The following CCDC190 variants were observed in gnomAD, a reference collection of about 807,000 sequenced individuals.
The protein encoded by CCDC190 is coiled-coil domain-containing protein 190.
Under a neutral mutation model 13.1 loss-of-function variants are expected in CCDC190, and 10 were observed. That is an observed-to-expected ratio of 0.77 (90% CI 0.47 to 1.30). The LOEUF (loss-of-function observed/expected upper bound fraction) is 1.30, where lower values mean the gene tolerates loss of function less well. CCDC190 is among the 50% of genes most tolerant of loss of function. The probability of loss-of-function intolerance (pLI) is 0.00; values close to 1 mark genes in which losing one functional copy is unlikely to be tolerated. For synonymous variants in CCDC190, 136 were observed against 127.2 expected, an observed-to-expected ratio of 1.07 and a Z score of -0.47; for missense variants, 375 against 354.3, an observed-to-expected ratio of 1.06 and a Z score of -0.47.
Position 162,861,030 on chromosome 1 carries a change from A to G in CCDC190, c.-35T>C, listed in dbSNP as rs2102263330. 1 of 985,000 alleles carries G rather than the reference A, an allele frequency of 1.0e-6. No homozygotes were observed. 61.0% of individuals were successfully genotyped at this position (985,000 alleles called of 1,614,324 possible). A position where few individuals can be genotyped will look rare whatever the true frequency, so the allele number is the denominator to read the frequency against. On this transcript the variant is annotated 5_prime_UTR_variant, in exon 1 of 4. The change abolishes an upstream ATG in the 5' untranslated region. Transcript: ENST00000367912. ...TACCTCCAAATCCAGAGTTTTCACC[A>G]TGAGACTATGTCTTGTTTCTTTTGC...
Position 162,852,497 on chromosome 1 carries a change from G to A in CCDC190, c.*2268C>T, listed in dbSNP as rs1206495006. ...ATCAGAGTATTACATCCATTGTATC[G>A]AAGAAGGCAAATGTATTAGACTAAA... On this transcript the variant is annotated 3_prime_UTR_variant, in exon 4 of 4. Transcript: ENST00000367912. The A allele has an allele frequency of 6.6e-6, 1 of 152,432 alleles. No individual in the cohort carries two copies. The highest frequency in any genetic ancestry group is 2.4e-5 in the African/African-American group (1 of 41,452). The allele number at this position is 152,432 out of a possible 1,614,324, so 9.4% of individuals were successfully genotyped here.
Position 162,854,390 on chromosome 1 carries a change from A to G in CCDC190, c.*375T>C, listed in dbSNP as rs1650211082. The G allele has an allele frequency of 9.7e-7, 1 of 1,029,740 alleles. No homozygotes were observed. Among genetic ancestry groups the G allele is most frequent in the Admixed American group, 5.0e-5 (1 of 19,834 alleles). The allele number at this position is 1,029,740 out of a possible 1,614,324, so 63.8% of individuals were successfully genotyped here. A position where few individuals can be genotyped will look rare whatever the true frequency, so the allele number is the denominator to read the frequency against. On this transcript the variant is annotated 3_prime_UTR_variant, in exon 4 of 4. Transcript: ENST00000367912. The stretch of plus-strand genomic sequence containing the variant: ...TACCACTACTATATATCAAACTAAA[A>G]CAGAGAGAATAGCTATGCCGTTTTG...
Position 162,852,565 on chromosome 1 carries a change from G to A in CCDC190, c.*2200C>T, listed in dbSNP as rs1158245218. On this transcript the variant is annotated 3_prime_UTR_variant, in exon 4 of 4. Transcript: ENST00000367912. ...CTAGGTGGTTAGAAGATTTTTAAAT[G>A]TATAATTTTTTGGCGATGCATGGAA... 1 of 152,700 alleles carries A rather than the reference G, an allele frequency of 6.5e-6. No individual in the cohort carries two copies. Among genetic ancestry groups the A allele is most frequent in the Non-Finnish European group, 1.5e-5 (1 of 68,396 alleles). 9.5% of individuals were successfully genotyped at this position (152,700 alleles called of 1,614,324 possible).
Position 162,854,375 on chromosome 1 carries a change from A to G in CCDC190, c.*390T>C. On this transcript the variant is annotated 3_prime_UTR_variant, in exon 4 of 4. Transcript: ENST00000367912. ...TCACATTCCTATTCCTACCACTACT[A>G]TATATCAAACTAAAACAGAGAGAAT... is the stretch of plus-strand genomic sequence containing the variant. The G allele has an allele frequency of 2.9e-6, 3 of 1,017,622 alleles. No individual in the cohort carries two copies. The highest frequency in any genetic ancestry group is 8.1e-5 in the South Asian group (2 of 24,554). The allele number at this position is 1,017,622 out of a possible 1,614,324, so 63.0% of individuals were successfully genotyped here.
In CCDC190 at chr1:162,855,693, C is replaced by T. The variant is rs772887259; in HGVS notation, c.250G>A (p.Val84Ile). The T allele has an allele frequency of 3.1e-6, 5 of 1,613,786 alleles. No individual in the cohort carries two copies. The Admixed American group carries it at 5.0e-5, about 16-fold the overall frequency. ...CTTCCCTGTGGTGAGAACACGAGAA[C>T]ATCTTCTGGTCTCTTCTGAAATCCA... ...GNGFQKRPED[V>I]LVFSPQGRQK... Residue 84 changes from valine to isoleucine, a missense_variant, in exon 3 of 4, where the codon GTT (valine) becomes ATT (isoleucine). Physicochemically the swap from Val to Ile is conservative, Grantham distance 29. Transcript: ENST00000367912.
chr1:162,854,279 C>G lies in CCDC190; in HGVS notation c.*486G>C. 1 of 985,716 alleles carries G rather than the reference C, an allele frequency of 1.0e-6. No individual in the cohort carries two copies. Among genetic ancestry groups the G allele is most frequent in the Non-Finnish European group, 1.2e-6 (1 of 830,188 alleles). 61.1% of individuals were successfully genotyped at this position (985,716 alleles called of 1,614,324 possible). ...ATAAAGGAAGGAAGGAAAGGGCTTC[C>G]AAAGAGAGCACGTGGGTGTGGTTAA... On this transcript the variant is annotated 3_prime_UTR_variant, in exon 4 of 4. Transcript: ENST00000367912.
At chr1:162,865,111 A>G (rs951480369), upstream of CCDC190, among the ~76,000 whole-genome samples, 1 of 152,134 alleles carries the variant, frequency 6.6e-6, no homozygotes, top group Non-Finnish European at 1.5e-5. Context: ...AGAGAAAGCT[A>G]TATTTATCCC....
At chr1:162,860,060 T>C (rs1650450726) in intron 1 of CCDC190, among the ~76,000 whole-genome samples, 2 of 152,026 alleles carry the variant, frequency 1.3e-5, no homozygotes, top group Admixed American at 6.5e-5. Context: ...AAGAGACTGC[T>C]CAGAGGTCTG....
At chr1:162,856,327 T>C (rs553177370) in intron 2 of CCDC190, among the ~76,000 whole-genome samples, 8 of 152,352 alleles carry the variant, frequency 5.3e-5, no homozygotes, top group Admixed American at 4.6e-4. Flanking sequence ...AGTGTTTGCG[T>C]AGTATATGTT....
At position 162,852,927 on chromosome 1, in the gene CCDC190, G is replaced by A. The variant is rs770786760; in HGVS notation, c.*1838C>T. The A allele has an allele frequency of 1.1e-4, 63 of 583,462 alleles. No individual in the cohort carries two copies. Among genetic ancestry groups the A allele is most frequent in the Non-Finnish European group, 1.5e-4 (50 of 323,956 alleles). 36.1% of individuals were successfully genotyped at this position (583,462 alleles called of 1,614,324 possible). ...AGAAGACAAGAAGAAAGAACTTTTA[G>A]GAAAGAGCTTGCGCAGTTTACAAAG... On this transcript the variant is annotated 3_prime_UTR_variant, in exon 4 of 4. Coordinates refer to ENST00000367912, the MANE Select transcript of CCDC190 (RefSeq NM_001394065.1).
Position 162,861,057 on chromosome 1 carries a change from A to G in CCDC190, c.-62T>C. 1.0e-6 allele frequency: 1 copy of G among 982,754 alleles called. No individual in the cohort carries two copies. The highest frequency in any genetic ancestry group is 1.2e-6 in the Non-Finnish European group (1 of 827,478). 60.9% of individuals were successfully genotyped at this position (982,754 alleles called of 1,614,324 possible). ...GAGACTATGTCTTGTTTCTTTTGCT[A>G]TGTCAGACTGAGTCTTGATTAATGA... On this transcript the variant is annotated 5_prime_UTR_variant, in exon 1 of 4. Transcript: ENST00000367912.
chr1:162,860,964 G>A (rs1403168325), intron 1 of CCDC190, 44 bp downstream of exon 1: 1 of 916,834 alleles, frequency 1.1e-6, no homozygotes, highest in Non-Finnish European at 1.3e-6. Flanking sequence ...AGAGTCTAAA[G>A]TATAACTAAA....
chr1:162,867,518 T>G (rs10799877), intron 1 of CCDC190, among the ~76,000 whole-genome samples: 96,202 of 151,970 alleles, frequency 0.63, 32,847 homozygotes, highest in Non-Finnish European at 0.77. Flanking sequence ...TTGGAAAACA[T>G]TTTGGGAATT....
chr1:162,854,333 A>G lies in CCDC190; in HGVS notation c.*432T>C. On this transcript the variant is annotated 3_prime_UTR_variant, in exon 4 of 4. Coordinates refer to ENST00000367912, the MANE Select transcript of CCDC190 (RefSeq NM_001394065.1). ...GCAGATTTTCTTTATAGACCATGTT[A>G]CAGTACCTATTTACAATCACATTCC... is the stretch of plus-strand genomic sequence containing the variant. 3.0e-6 allele frequency: 3 copies of G among 991,218 alleles called. No individual in the cohort carries two copies. Among genetic ancestry groups the G allele is most frequent in the South Asian group, 9.2e-5 (2 of 21,718 alleles). 61.4% of individuals were successfully genotyped at this position (991,218 alleles called of 1,614,324 possible). A position where few individuals can be genotyped will look rare whatever the true frequency, so the allele number is the denominator to read the frequency against.
chr1:162,856,853 T>C (rs976688534), intron 2 of CCDC190, among the ~76,000 whole-genome samples: 14 of 152,178 alleles, frequency 9.2e-5, no homozygotes, highest in African/African-American at 3.1e-4. Context: ...TTGGGGTCTT[T>C]TGTGGGGGTT....
Position 162,853,199 on chromosome 1 carries a change from T to A in CCDC190, c.*1566A>T. The A allele has an allele frequency of 6.6e-7, 1 of 1,517,520 alleles. No homozygotes were observed. The highest frequency in any genetic ancestry group is 1.4e-5 in the African/African-American group (1 of 72,330). 94.0% of individuals were successfully genotyped at this position (1,517,520 alleles called of 1,614,324 possible). ...ACTCTCAAATGTTTGATCTAAGTTT[T>A]TGTCTTCAGATAGGTGGTAGTGTGG... On this transcript the variant is annotated 3_prime_UTR_variant, in exon 4 of 4. Transcript: ENST00000367912.
upstream of CCDC190, among the ~76,000 whole-genome samples, chr1:162,864,025 AT>A (rs1430895370): frequency 1.3e-4 from 19 of 151,752 alleles, no homozygotes; most frequent in East Asian, 2.3e-3. Flanking sequence ...AAAAAAAAAA[AT>A]ATCAATGAAT....
chr1:162,861,021 G>C lies in CCDC190; in HGVS notation c.-26C>G. On this transcript the variant is annotated 5_prime_UTR_variant, in exon 1 of 4. Transcript: ENST00000367912. ...AGTAGAACTTACCTCCAAATCCAGA[G>C]TTTTCACCATGAGACTATGTCTTGT... is the stretch of plus-strand genomic sequence containing the variant. 4.1e-6 allele frequency: 4 copies of C among 984,962 alleles called. No individual in the cohort carries two copies. The highest frequency in any genetic ancestry group is 4.8e-6 in the Non-Finnish European group (4 of 829,546). The allele number at this position is 984,962 out of a possible 1,614,324, so 61.0% of individuals were successfully genotyped here.
intron 1 of CCDC190, among the ~76,000 whole-genome samples, 159 bp from the exon 2 acceptor site, chr1:162,859,817 A>T (rs1394585073): frequency 6.6e-6 from 1 of 152,126 alleles, no homozygotes; most frequent in African/African-American, 2.4e-5. Flanking sequence ...TTTCCAGAGT[A>T]ACACAGAAGG....
Sources: gnomAD v4.1 joint callset for allele counts (sites outside exome capture counted in the v4.1 genomes callset) on GRCh38, gnomAD v4.1.1 for gene constraint, MANE v1.5 for transcripts, NCBI Gene and HGNC (gene_info 2026-07-23, HGNC 2026-07-21) for gene names.